DOCK3: variants seen among roughly 807,000 people sequenced by gnomAD.
The protein encoded by DOCK3 is dedicator of cytokinesis 3.
DOCK3 carries 60 observed loss-of-function variants against 265.6 expected under a neutral mutation model. The ratio of observed to expected loss-of-function variants is 0.23; its 90% CI spans 0.18 to 0.28. The LOEUF is 0.28. DOCK3 is among the 10% of genes least tolerant of loss of function. The pLI is 1.00. For missense variants in DOCK3, 1,981 were observed against 2,594.3 expected, an observed-to-expected ratio of 0.76 and a Z score of 5.14; for synonymous variants, 881 against 938.0, an observed-to-expected ratio of 0.94 and a Z score of 1.11.
At chr3:51,148,351 A>G (rs1184972247) in intron 10 of DOCK3, among the ~76,000 whole-genome samples, 2 of 152,116 alleles carry the variant, frequency 1.3e-5, no homozygotes, top group East Asian at 1.9e-4. Flanking sequence ...GTTTAATTAG[A>G]TCCCATTTGT....
chr3:50,902,447 C>T (rs565360585), intron 4 of DOCK3, among the ~76,000 whole-genome samples: 4 of 152,098 alleles, frequency 2.6e-5, no homozygotes, highest in Non-Finnish European at 4.4e-5. Flanking sequence ...ATCCTTTCCC[C>T]GTTGCTTGTT....
chr3:51,267,040 T>C (rs1267259843), intron 23 of DOCK3, among the ~76,000 whole-genome samples: 1 of 152,098 alleles, frequency 6.6e-6, no homozygotes, highest in Admixed American at 6.6e-5. Context: ...AAGAAGACAT[T>C]TATGCAGCCA....
At chr3:51,028,084 C>T (rs959392477) in intron 5 of DOCK3, among the ~76,000 whole-genome samples, 7 of 151,958 alleles carry the variant, frequency 4.6e-5, no homozygotes, top group Admixed American at 1.3e-4. Flanking sequence ...TCTTTATTTT[C>T]ATGTTTAGAG....
intron 9 of DOCK3, among the ~76,000 whole-genome samples, chr3:51,114,919 CT>C (rs2083669908): frequency 6.6e-6 from 1 of 151,884 alleles, no homozygotes; most frequent in South Asian, 2.1e-4. Flanking sequence ...TTTTCTGTTC[CT>C]GTGTTAGTTT....
At chr3:50,814,886 A>G (rs34320663) in intron 2 of DOCK3, among the ~76,000 whole-genome samples, 14,310 of 151,518 alleles carry the variant, frequency 0.094, 829 homozygotes, top group Non-Finnish European at 0.12. Context: ...GTGCAGTGGC[A>G]CAATCTTGGC....
At chr3:51,048,874 A>G (rs2080880372) in intron 5 of DOCK3, among the ~76,000 whole-genome samples, 1 of 152,026 alleles carries the variant, frequency 6.6e-6, no homozygotes, top group Non-Finnish European at 1.5e-5. Flanking sequence ...AAAAAAAAAA[A>G]CAACTATGAC....
intron 4 of DOCK3, among the ~76,000 whole-genome samples, chr3:50,893,807 G>A (rs2107754507): frequency 6.6e-6 from 1 of 152,084 alleles, no homozygotes; most frequent in African/African-American, 2.4e-5. Flanking sequence ...CCTTTAAGAT[G>A]TTCATGTCCT....
rs543695828 is a variant in DOCK3 at position 51,349,086 on chromosome 3, T to A, written c.4002+148T>A. 1.2e-5 allele frequency: 9 copies of A among 734,640 alleles called. No individual in the cohort carries two copies. The Admixed American group carries it at 2.0e-4, about 16-fold the overall frequency. 45.5% of individuals were successfully genotyped at this position (734,640 alleles called of 1,614,324 possible). ...TCCTGCCCTCAGGACACTTGCAGTC[T>A]GACTAGGAAACCAAAAATAACACCT... On this transcript the variant is annotated intron_variant, in intron 39 of 52. Transcript: ENST00000266037.
intron 9 of DOCK3, among the ~76,000 whole-genome samples, chr3:51,107,424 A>G (rs183399645): frequency 2.0e-5 from 3 of 152,372 alleles, no homozygotes; most frequent in East Asian, 1.9e-4. Flanking sequence ...TGAGATTCAG[A>G]AGAACGTTGA....
At chr3:50,923,315 C>G (rs1312861111) in intron 4 of DOCK3, among the ~76,000 whole-genome samples, 1 of 152,086 alleles carries the variant, frequency 6.6e-6, no homozygotes, top group Non-Finnish European at 1.5e-5. Context: ...AATGGTAGTT[C>G]TACTTTTAGT....
At chr3:51,362,082 G>C in intron 48 of DOCK3, 85 bp downstream of exon 48, 4 of 1,472,778 alleles carry the variant, frequency 2.7e-6, no homozygotes, top group Non-Finnish European at 3.6e-6. Context: ...CTGAGGGCTT[G>C]GCAACCCTGC....
chr3:51,375,224 G>A (rs1177943175), intron 50 of DOCK3, among the ~76,000 whole-genome samples: 1 of 152,198 alleles, frequency 6.6e-6, no homozygotes, highest in Non-Finnish European at 1.5e-5. Flanking sequence ...TTTCTTAGTG[G>A]TACCTCCCTG....
Position 50,751,258 on chromosome 3 carries a change from C to CT in DOCK3, c.38-27404dup, listed in dbSNP as rs879936260. Among the ~76,000 whole-genome samples, 61 of 141,676 alleles carry CT rather than the reference C, an allele frequency of 4.3e-4. 1 individual carries two copies. Among genetic ancestry groups the CT allele is most frequent in the East Asian group, 8.1e-4 (4 of 4,928 alleles). The allele number at this position is 141,676 out of a possible 152,430, so 92.9% of individuals were successfully genotyped here. On this transcript the variant is annotated intron_variant, in intron 1 of 52. Transcript: ENST00000266037. ...GACCCTGTGACATAAAAAGAATGGACTTTTTTTTTTTTTAACTTTAAGTTC... is the reference window on the plus strand; with the variant it reads ...GACCCTGTGACATAAAAAGAATGGACTTTTTTTTTTTTTTAACTTTAAGTTC...
In DOCK3 at chr3:51,381,277, C is replaced by T. The variant is rs571537376; in HGVS notation, c.5811C>T (p.Tyr1937=). The change falls in exon 53 of 53, where the codon TAC becomes TAT. Residue 1937 remains tyrosine (Y), a synonymous_variant. Coordinates refer to ENST00000266037, the MANE Select transcript of DOCK3 (RefSeq NM_004947.5). The surrounding 1 kb of genome is among the most constrained non-coding windows in gnomAD (Gnocchi z 5.6). ...AGCCACCCTACCTCCCTGTCCACTA[C>T]AGCCTCTCTGAGTCTGCCGTCCTGG... The part of the protein sequence containing the change: ...DLEPPYLPVH[Y]SLSESAVLDS... 6.8e-6 allele frequency: 11 copies of T among 1,613,862 alleles called. No individual in the cohort carries two copies. In the African/African-American group the frequency reaches 1.3e-4, roughly 20 times the overall value.
chr3:50,768,368 A>C (rs923744586), intron 1 of DOCK3, among the ~76,000 whole-genome samples: 1 of 152,174 alleles, frequency 6.6e-6, no homozygotes, highest in Non-Finnish European at 1.5e-5. Flanking sequence ...AGACACAACA[A>C]AAAAAGAGAA....
At chr3:50,871,500 C>A (rs2047430513) in intron 3 of DOCK3, among the ~76,000 whole-genome samples, 1 of 151,624 alleles carries the variant, frequency 6.6e-6, no homozygotes, top group Admixed American at 6.6e-5. Flanking sequence ...TGAGGTAGTC[C>A]TCTGTGGGTT....
intron 44 of DOCK3, 149 bp downstream of exon 44, chr3:51,357,290 C>T: frequency 3.7e-6 from 3 of 816,376 alleles, no homozygotes; most frequent in Non-Finnish European, 5.6e-6. Context: ...CCTAAGCTCC[C>T]TATCACTCCC....
chr3:50,978,642 G>T (rs1164553526), intron 5 of DOCK3, among the ~76,000 whole-genome samples: 2 of 152,206 alleles, frequency 1.3e-5, no homozygotes, highest in Non-Finnish European at 2.9e-5. Flanking sequence ...ACAGAGGCAG[G>T]CAGGCCTCCT....
At chr3:51,095,867 A>AAAAT (rs1367146762) in intron 9 of DOCK3, among the ~76,000 whole-genome samples, 10 of 141,544 alleles carry the variant, frequency 7.1e-5, no homozygotes, top group African/African-American at 2.3e-4. Flanking sequence ...AAAAAAAAAA[A>AAAAT]AAAAAAAAAG....
Sources: allele counts gnomAD v4.1 joint callset (sites outside exome capture counted in the v4.1 genomes callset), GRCh38; gene constraint gnomAD v4.1.1; non-coding constraint Gnocchi (gnomAD v3.1); transcripts MANE v1.5; gene names NCBI Gene and HGNC (gene_info 2026-07-23, HGNC 2026-07-21).